Variants in PRIM2 observed in about 807,000 individuals in gnomAD.
PRIM2 encodes the protein DNA primase subunit 2.
In PRIM2, 39 loss-of-function variants were observed where a neutral mutation model predicts 67.3. The observed-to-expected ratio is 0.58, with a 90% CI of 0.45 to 0.76. PRIM2 has a LOEUF of 0.76. PRIM2 is among the 30% of genes least tolerant of loss of function. The probability of loss-of-function intolerance (pLI) is 0.00; values close to 1 mark genes in which losing one functional copy is unlikely to be tolerated. For synonymous variants in PRIM2, 143 were observed against 198.7 expected, an observed-to-expected ratio of 0.72 and a Z score of 2.36; for missense variants, 398 against 598.7, an observed-to-expected ratio of 0.66 and a Z score of 3.50.
intron 12 of PRIM2, among the ~76,000 whole-genome samples, chr6:57,617,216 A>C (rs1477807070): frequency 6.6e-6 from 1 of 152,112 alleles, no homozygotes; most frequent in Non-Finnish European, 1.5e-5. Context: ...CTTTATTTTC[A>C]CATGGCTTCC....
chr6:57,519,531 G>A (rs1262490609), intron 8 of PRIM2, among the ~76,000 whole-genome samples: 8 of 152,180 alleles, frequency 5.3e-5, no homozygotes, highest in African/African-American at 1.4e-4. Context: ...GCTCTGTTCC[G>A]CCCGGCTCAC....
the PRIM2 span, among the ~76,000 whole-genome samples, chr6:57,244,489 G>A: frequency 4.6e-5 from 7 of 152,228 alleles, no homozygotes; most frequent in East Asian, 5.8e-4. Context: ...GGCTGGGCGC[G>A]GTGGCTTACA....
At chr6:57,402,985 T>C (rs1207612768) in intron 7 of PRIM2, among the ~76,000 whole-genome samples, 1 of 152,118 alleles carries the variant, frequency 6.6e-6, no homozygotes, top group Admixed American at 6.5e-5. Flanking sequence ...CTTCATGTTT[T>C]TCTCCATATG....
intron 3 of PRIM2, among the ~76,000 whole-genome samples, 162 bp from the exon 4 acceptor site, chr6:57,324,010 AGGAGTTTGAAGTTACAGTGAGCTGTGATT>A (rs1767752167): frequency 1.3e-5 from 2 of 152,048 alleles, no homozygotes; most frequent in South Asian, 4.2e-4. Context: ...ACTTGAGCCC[AGGAGTTTGAAGTTACAGTGAGCTGTGATT>A]GACCACTACT....
At chr6:57,489,536 G>T (rs1207687042) in intron 7 of PRIM2, among the ~76,000 whole-genome samples, 45 of 151,968 alleles carry the variant, frequency 3.0e-4, no homozygotes, top group Admixed American at 2.2e-3. Context: ...CAGCCTGGGC[G>T]ACAGAGTGAG....
chr6:57,421,417 C>T (rs1252933755), intron 7 of PRIM2, among the ~76,000 whole-genome samples: 1 of 152,096 alleles, frequency 6.6e-6, no homozygotes, highest in East Asian at 1.9e-4. Context: ...ATATCAAATT[C>T]TTTTGTTTTA....
chr6:57,293,983 A>G, the PRIM2 span, among the ~76,000 whole-genome samples: 2 of 152,222 alleles, frequency 1.3e-5, no homozygotes, highest in Non-Finnish European at 2.9e-5. Context: ...AAAAGAAAAA[A>G]GGTATTCCTT....
intron 5 of PRIM2, among the ~76,000 whole-genome samples, chr6:57,346,010 G>C (rs1013646590): frequency 7.2e-5 from 11 of 152,202 alleles, no homozygotes; most frequent in African/African-American, 2.4e-4. Flanking sequence ...TGAGCAGTAA[G>C]GATGACCAGA....
intron 7 of PRIM2, among the ~76,000 whole-genome samples, chr6:57,499,323 T>C (rs1242836697): frequency 3.3e-5 from 5 of 152,202 alleles, no homozygotes; most frequent in African/African-American, 9.7e-5. Flanking sequence ...TTGTAACTGA[T>C]GGCATTTAGG....
chr6:57,346,525 G>A (rs1052940791), intron 5 of PRIM2, among the ~76,000 whole-genome samples: 3 of 151,992 alleles, frequency 2.0e-5, no homozygotes, highest in African/African-American at 7.3e-5. Flanking sequence ...TCACTATATT[G>A]GTCAGGCTGG....
intron 7 of PRIM2, among the ~76,000 whole-genome samples, chr6:57,500,999 T>C (rs1774118562): frequency 6.6e-6 from 1 of 152,212 alleles, no homozygotes; most frequent in Non-Finnish European, 1.5e-5. Context: ...TGAGAATATC[T>C]CTGATAAAAC....
In PRIM2 at chr6:57,324,188, C is replaced by T; in HGVS notation, c.259-13C>T. On this transcript the variant is annotated splice_polypyrimidine_tract_variant and intron_variant, in intron 3 of 13. Transcript: ENST00000615550. ...TAATGCATTTATTTTATTCATGTGT[C>T]ATTATTTTTAAGGAAAACTTAGAAG... 1 of 1,438,970 alleles carries T rather than the reference C, an allele frequency of 6.9e-7. No individual in the cohort carries two copies. The highest frequency in any genetic ancestry group is 1.4e-5 in the African/African-American group (1 of 71,696). The allele number at this position is 1,438,970 out of a possible 1,614,324, so 89.1% of individuals were successfully genotyped here.
At chr6:57,543,840 T>C (rs1471323317) in intron 10 of PRIM2, among the ~76,000 whole-genome samples, 1 of 152,194 alleles carries the variant, frequency 6.6e-6, no homozygotes, top group South Asian at 2.1e-4. Context: ...AATTTACACC[T>C]GTATTAGTGT....
chr6:57,484,253 C>T (rs1347089031), intron 7 of PRIM2, among the ~76,000 whole-genome samples: 1 of 152,148 alleles, frequency 6.6e-6, no homozygotes, highest in African/African-American at 2.4e-5. Flanking sequence ...TTGCATAAAG[C>T]CTTTTTATAA....
intron 5 of PRIM2, among the ~76,000 whole-genome samples, chr6:57,351,687 A>T (rs1181788302): frequency 6.6e-6 from 1 of 152,098 alleles, no homozygotes; most frequent in Non-Finnish European, 1.5e-5. Context: ...AGTATATTTG[A>T]TGTGAAGATA....
the PRIM2 span, among the ~76,000 whole-genome samples, chr6:57,249,694 A>C: frequency 5.9e-5 from 9 of 152,164 alleles, no homozygotes; most frequent in African/African-American, 2.2e-4. Flanking sequence ...GTGAGCTGAG[A>C]CCATGCCATT....
intron 7 of PRIM2, among the ~76,000 whole-genome samples, chr6:57,460,144 G>C (rs1346586996): frequency 6.6e-6 from 1 of 151,682 alleles, no homozygotes. Flanking sequence ...TCTCCATACA[G>C]ACCAGGGGTC....
chr6:57,340,745 T>C (rs1463989869), intron 5 of PRIM2, among the ~76,000 whole-genome samples: 1 of 152,130 alleles, frequency 6.6e-6, no homozygotes. Context: ...TTAGGAGATA[T>C]ACCTAATGCT....
intron 10 of PRIM2, among the ~76,000 whole-genome samples, chr6:57,571,459 G>A (rs2127481571): frequency 6.6e-6 from 1 of 152,210 alleles, no homozygotes; most frequent in South Asian, 2.1e-4. Flanking sequence ...AGACCAGCCT[G>A]GCCAACATGG....
Sources: gnomAD v4.1 joint callset for allele counts (sites outside exome capture counted in the v4.1 genomes callset) on GRCh38, gnomAD v4.1.1 for gene constraint, MANE v1.5 for transcripts, NCBI Gene and HGNC (gene_info 2026-07-23, HGNC 2026-07-21) for gene names.